Variants in COL4A5 observed in about 807,000 individuals in gnomAD.
The protein encoded by COL4A5 is collagen type IV alpha 5 chain.
In COL4A5, 26 loss-of-function variants were observed where a neutral mutation model predicts 130.2. The observed-to-expected ratio is 0.20, with a 90% CI of 0.15 to 0.28. The LOEUF (loss-of-function observed/expected upper bound fraction) is 0.28. Among genes scored for constraint, COL4A5 ranks in the 10% least tolerant of loss-of-function variants. COL4A5 has a pLI of 1.00. For missense variants in COL4A5, 1,131 were observed against 1,344.3 expected, an observed-to-expected ratio of 0.84 and a Z score of 2.48; for synonymous variants, 496 against 439.6, an observed-to-expected ratio of 1.13 and a Z score of -1.60.
intron 30 of COL4A5, among the ~76,000 whole-genome samples, chrX:108,615,680 T>C (rs183597361): frequency 3.6e-5 from 4 of 111,863 alleles, no homozygotes; most frequent in African/African-American, 1.3e-4. Flanking sequence ...AGTTTCTGGA[T>C]TCTGAGCTGT....
At chrX:108,590,732 A>G (rs1253557177) in intron 19 of COL4A5, among the ~76,000 whole-genome samples, 1 of 111,889 alleles carries the variant, frequency 8.9e-6, no homozygotes, top group African/African-American at 3.2e-5. Flanking sequence ...CCATGTTTAT[A>G]TGGTAACTTT....
intron 1 of COL4A5, among the ~76,000 whole-genome samples, chrX:108,468,519 C>A (rs1172291338): frequency 9.9e-6 from 1 of 100,926 alleles, no homozygotes. Context: ...TTTTTTTTAT[C>A]ATGCTGAGAC....
At chrX:108,693,924 T>G (rs2068680542) in intron 50 of COL4A5, 1 of 111,455 alleles carries the variant, frequency 9.0e-6, no homozygotes, top group Non-Finnish European at 1.9e-5. Context: ...AAAGGATGAA[T>G]TGCTGGAAAT....
chrX:108,474,203 A>C (rs1603250903), intron 1 of COL4A5, among the ~76,000 whole-genome samples: 1 of 111,757 alleles, frequency 8.9e-6, no homozygotes, highest in South Asian at 3.8e-4. Flanking sequence ...AACAACTTCA[A>C]GCCTTGCAAT....
intron 36 of COL4A5, among the ~76,000 whole-genome samples, chrX:108,652,736 T>TA (rs2067756765): frequency 1.8e-5 from 2 of 112,337 alleles, no homozygotes; most frequent in Admixed American, 1.9e-4. Flanking sequence ...ACAAAGAAGA[T>TA]ATCAAATTGA....
At chrX:108,497,033 C>G (rs1003981179) in intron 1 of COL4A5, among the ~76,000 whole-genome samples, 4 of 111,667 alleles carry the variant, frequency 3.6e-5, no homozygotes, top group Admixed American at 2.9e-4. Flanking sequence ...CTCCCGTAAT[C>G]CCCCAAATCT....
intron 23 of COL4A5, 110 bp from the exon 24 acceptor site, chrX:108,597,267 G>GT: frequency 1.2e-6 from 1 of 867,725 alleles, no homozygotes; most frequent in African/African-American, 2.0e-5. Context: ...TATTGGATGG[G>GT]TTGAAGGGGT....
In COL4A5 at chrX:108,586,616, T is replaced by G. The variant is rs756731377; in HGVS notation, c.1034T>G (p.Val345Gly). ...DTGPPGPPGL[V>G]IPRPGTGITI... is the part of the protein sequence containing the mutation. ...TTTTTTTTTTCTTTGGTAATAAAGGTAATTCCTAGACCTGGGACTGGTATA... is the reference window on the plus strand; with the variant it reads ...TTTTTTTTTTCTTTGGTAATAAAGGGAATTCCTAGACCTGGGACTGGTATA... Residue 345 changes from valine (V) to glycine (G), a missense_variant and splice_region_variant, in exon 19 of 53, where the codon GTA becomes GGA. By Grantham distance (109) the Val-to-Gly change is moderately radical. Coordinates refer to ENST00000328300, the MANE Select transcript of COL4A5 (RefSeq NM_033380.3). 1 of 1,203,853 alleles carries G rather than the reference T, an allele frequency of 8.3e-7. No homozygotes were observed. The highest frequency in any genetic ancestry group is 2.2e-5 in the Admixed American group (1 of 45,696).
intron 36 of COL4A5, among the ~76,000 whole-genome samples, chrX:108,645,639 T>C (rs763725362): frequency 2.7e-5 from 3 of 109,112 alleles, no homozygotes; most frequent in African/African-American, 1.0e-4. Flanking sequence ...TGCAGGTTTG[T>C]TACATATGTA....
At chrX:108,501,991 A>G (rs763780369) in intron 1 of COL4A5, among the ~76,000 whole-genome samples, 3 of 112,195 alleles carry the variant, frequency 2.7e-5, no homozygotes, top group African/African-American at 9.7e-5. Context: ...TTTAATCCAG[A>G]TGTACAGTAA....
intron 3 of COL4A5, among the ~76,000 whole-genome samples, chrX:108,563,079 A>G (rs2065918503): frequency 9.0e-6 from 1 of 111,595 alleles, no homozygotes; most frequent in African/African-American, 3.3e-5. Flanking sequence ...TTCATTGTAT[A>G]TATGAACCAT....
At chrX:108,550,249 T>C (rs2065730683) in intron 2 of COL4A5, among the ~76,000 whole-genome samples, 1 of 111,514 alleles carries the variant, frequency 9.0e-6, no homozygotes, top group African/African-American at 3.3e-5. Context: ...CAGACTAGTA[T>C]CCCTCATGAG....
chrX:108,469,169 CTTTTTTT>C (rs529015725), intron 1 of COL4A5, among the ~76,000 whole-genome samples: 50 of 77,666 alleles, frequency 6.4e-4, no homozygotes, highest in Non-Finnish European at 1.1e-3. Context: ...CTCTCTCTCT[CTTTTTTT>C]TTTTTTTTTT....
chrX:108,526,663 CT>C (rs2065325382), intron 1 of COL4A5, among the ~76,000 whole-genome samples: 1 of 38,990 alleles, frequency 2.6e-5, no homozygotes, highest in African/African-American at 1.4e-4. Context: ...TTTCTTTCTT[CT>C]TTCTTTCTCT....
intron 1 of COL4A5, among the ~76,000 whole-genome samples, chrX:108,471,511 A>G: frequency 9.0e-6 from 1 of 111,589 alleles, no homozygotes; most frequent in East Asian, 2.8e-4. Flanking sequence ...ACTTTACTGA[A>G]CTCGTTTGTC....
At chrX:108,587,512 T>G (rs1043793909) in intron 19 of COL4A5, among the ~76,000 whole-genome samples, 1 of 112,181 alleles carries the variant, frequency 8.9e-6, no homozygotes, top group Non-Finnish European at 1.9e-5. Context: ...CCTTTATCTG[T>G]TCATCCACTG....
At chrX:108,447,705 T>C (rs1357988982) in intron 1 of COL4A5, among the ~76,000 whole-genome samples, 2 of 112,031 alleles carry the variant, frequency 1.8e-5, no homozygotes, top group Non-Finnish European at 3.8e-5. Flanking sequence ...TGATGCTCAA[T>C]TGATTGCCAG....
At chrX:108,541,652 G>C (rs990320030) in intron 2 of COL4A5, among the ~76,000 whole-genome samples, 1 of 111,911 alleles carries the variant, frequency 8.9e-6, no homozygotes. Context: ...ATTGCTTATA[G>C]ATTCCATCCA....
chrX:108,647,242 G>C (rs373787999), intron 36 of COL4A5, among the ~76,000 whole-genome samples: 20 of 110,920 alleles, frequency 1.8e-4, no homozygotes, highest in Non-Finnish European at 3.0e-4. Context: ...TTGTTTGTAT[G>C]CTCTTTTATT....
Sources: allele counts gnomAD v4.1 joint callset (sites outside exome capture counted in the v4.1 genomes callset), GRCh38; gene constraint gnomAD v4.1.1; transcripts MANE v1.5; gene names NCBI Gene and HGNC (gene_info 2026-07-23, HGNC 2026-07-21).